The following CDKAL1 variants were observed in gnomAD, a reference collection of about 807,000 sequenced individuals.
CDKAL1 encodes the protein threonylcarbamoyladenosine tRNA methylthiotransferase.
In CDKAL1, 32 loss-of-function variants were observed where a neutral mutation model predicts 68.2. That is an observed-to-expected ratio of 0.47 (90% CI 0.35 to 0.63). CDKAL1 has a LOEUF of 0.63. Among genes scored for constraint, CDKAL1 ranks in the 30% least tolerant of loss-of-function variants. The pLI, the probability that CDKAL1 is intolerant of heterozygous loss-of-function variation, is 0.00. For synonymous variants in CDKAL1, 234 were observed against 244.3 expected, an observed-to-expected ratio of 0.96 and a Z score of 0.39; for missense variants, 606 against 696.7, an observed-to-expected ratio of 0.87 and a Z score of 1.47.
intron 9 of CDKAL1, among the ~76,000 whole-genome samples, chr6:20,908,497 C>T (rs1762327582): frequency 6.6e-6 from 1 of 152,166 alleles, no homozygotes; most frequent in African/African-American, 2.4e-5. Context: ...CTGGGCTAGA[C>T]ATCACTTGAT....
At chr6:20,600,795 C>CATATATATATATATATATATATATAT (rs1561956347) in intron 4 of CDKAL1, among the ~76,000 whole-genome samples, 1 of 123,498 alleles carries the variant, frequency 8.1e-6, no homozygotes, top group Non-Finnish European at 1.8e-5. Context: ...TATACACACA[C>CATATATATATATATATATATATATAT]ACACATGAAT....
chr6:20,773,276 A>G (rs1472968368), intron 7 of CDKAL1, among the ~76,000 whole-genome samples: 1 of 152,178 alleles, frequency 6.6e-6, no homozygotes, highest in Non-Finnish European at 1.5e-5. Context: ...TAGTGTGAAT[A>G]CCTACCTTTT....
chr6:20,766,527 T>C (rs1774711461), intron 7 of CDKAL1, among the ~76,000 whole-genome samples: 1 of 152,348 alleles, frequency 6.6e-6, no homozygotes, highest in East Asian at 1.9e-4. Context: ...TTTGTTTAAC[T>C]ATTAACGAGG....
At chr6:21,067,521 A>G (rs1387126428) in intron 12 of CDKAL1, among the ~76,000 whole-genome samples, 3 of 152,202 alleles carry the variant, frequency 2.0e-5, no homozygotes, top group African/African-American at 7.2e-5. Context: ...CTGAGGCAGA[A>G]GAATGGCGTG....
At chr6:21,135,579 C>A in intron 13 of CDKAL1, 1 of 532,806 alleles carries the variant, frequency 1.9e-6, no homozygotes, top group Non-Finnish European at 2.4e-6. Context: ...CTACTTTTCC[C>A]CGGTAAAGGA....
chr6:20,746,241 A>G (rs1773659515), intron 6 of CDKAL1, among the ~76,000 whole-genome samples: 1 of 152,300 alleles, frequency 6.6e-6, no homozygotes, highest in African/African-American at 2.4e-5. Flanking sequence ...CACTGGTACT[A>G]CCATTCAGGT....
rs563584481 is a variant in CDKAL1, at chr6:20,740,221, T to C, written c.468+606T>C. 1.4e-4 allele frequency among the ~76,000 whole-genome samples: 21 copies of C among 152,326 alleles called. No homozygotes were observed. In the South Asian group the frequency reaches 4.4e-3, roughly 32 times the overall value. On this transcript the variant is annotated intron_variant, in intron 6 of 15. Transcript: ENST00000274695. ...TTTTTTAAAACTCTCACCATGTTTC[T>C]CTAGCCTTTCCTGTGATACCTGGCA...
At chr6:20,790,925 C>T (rs531996646) in intron 8 of CDKAL1, among the ~76,000 whole-genome samples, 14 of 151,990 alleles carry the variant, frequency 9.2e-5, no homozygotes, top group East Asian at 5.8e-4. Flanking sequence ...AAGGTAGGCA[C>T]GACAGTGTAG....
At chr6:20,827,606 A>AT (rs996110706) in intron 8 of CDKAL1, among the ~76,000 whole-genome samples, 4 of 152,158 alleles carry the variant, frequency 2.6e-5, no homozygotes, top group African/African-American at 4.8e-5. Context: ...TGTTTTAGAC[A>AT]TAAAAAAAAA....
intron 13 of CDKAL1, among the ~76,000 whole-genome samples, 161 bp downstream of exon 13, chr6:21,108,624 T>A (rs1002497094): frequency 1.3e-5 from 2 of 152,196 alleles, no homozygotes; most frequent in African/African-American, 4.8e-5. Flanking sequence ...AAAACAGAAA[T>A]GTTATATTTC....
chr6:21,219,319 A>G (rs73734139), intron 15 of CDKAL1, among the ~76,000 whole-genome samples: 3,606 of 152,286 alleles, frequency 0.024, 146 homozygotes, highest in African/African-American at 0.08. Context: ...ATCTAATACA[A>G]TGCCTACACA....
At chr6:21,136,809 C>A (rs1370807151) in intron 13 of CDKAL1, among the ~76,000 whole-genome samples, 1 of 152,034 alleles carries the variant, frequency 6.6e-6, no homozygotes, top group Non-Finnish European at 1.5e-5. Flanking sequence ...CCAAGAATAC[C>A]CATCCAAATA....
At chr6:20,997,612 A>G (rs1474420092) in intron 10 of CDKAL1, among the ~76,000 whole-genome samples, 1 of 152,150 alleles carries the variant, frequency 6.6e-6, no homozygotes, top group Non-Finnish European at 1.5e-5. Context: ...AAATTGGCAT[A>G]CTGTAGCAGG....
intron 13 of CDKAL1, among the ~76,000 whole-genome samples, chr6:21,170,453 C>T (rs903030825): frequency 6.6e-6 from 1 of 152,038 alleles, no homozygotes; most frequent in Non-Finnish European, 1.5e-5. Context: ...CCTTAGCCGC[C>T]CGAGTAGCTG....
chr6:20,810,838 C>T (rs1776785818), intron 8 of CDKAL1, among the ~76,000 whole-genome samples: 1 of 151,954 alleles, frequency 6.6e-6, no homozygotes, highest in Non-Finnish European at 1.5e-5. Flanking sequence ...TTCATTCGCC[C>T]TCTTTATCTC....
At chr6:20,974,560 G>C (rs1273061186) in intron 10 of CDKAL1, among the ~76,000 whole-genome samples, 2 of 152,084 alleles carry the variant, frequency 1.3e-5, no homozygotes, top group Admixed American at 6.6e-5. Flanking sequence ...AGAAATCAGA[G>C]TTATGCTCTA....
chr6:20,896,480 C>A (rs548406187), intron 9 of CDKAL1, among the ~76,000 whole-genome samples: 1 of 152,062 alleles, frequency 6.6e-6, no homozygotes, highest in Non-Finnish European at 1.5e-5. Flanking sequence ...AAAACAAATT[C>A]GTAAGTCCAA....
intron 9 of CDKAL1, among the ~76,000 whole-genome samples, chr6:20,858,286 A>AT (rs1399354969): frequency 6.6e-6 from 1 of 151,228 alleles, no homozygotes; most frequent in East Asian, 1.9e-4. Context: ...AGTAGCCTAG[A>AT]TTTTTTCTGG....
At chr6:21,033,156 A>C (rs1769388347) in intron 11 of CDKAL1, among the ~76,000 whole-genome samples, 2 of 152,120 alleles carry the variant, frequency 1.3e-5, no homozygotes, top group African/African-American at 4.8e-5. Flanking sequence ...ATGAATTCAG[A>C]TTTTTGAGGG....
Sources: gnomAD v4.1 joint callset for allele counts (sites outside exome capture counted in the v4.1 genomes callset) on GRCh38, gnomAD v4.1.1 for gene constraint, MANE v1.5 for transcripts, NCBI Gene and HGNC (gene_info 2026-07-23, HGNC 2026-07-21) for gene names.